KAZN: variants seen among roughly 807,000 people sequenced by gnomAD.
The protein encoded by KAZN is kazrin.
KAZN carries 40 observed loss-of-function variants against 87.4 expected under a neutral mutation model. The observed-to-expected ratio is 0.46, with a 90% CI of 0.36 to 0.60. KAZN has a LOEUF of 0.60. KAZN is among the 20% of genes least tolerant of loss of function. The pLI, the probability that KAZN is intolerant of heterozygous loss-of-function variation, is 0.00. For missense variants in KAZN, 898 were observed against 1,073.9 expected, an observed-to-expected ratio of 0.84 and a Z score of 2.29; for synonymous variants, 466 against 458.3, an observed-to-expected ratio of 1.02 and a Z score of -0.22.
intron 2 of KAZN, among the ~76,000 whole-genome samples, chr1:14,417,939 T>C (rs1215264587): frequency 8.6e-4 from 108 of 126,300 alleles, no homozygotes; most frequent in Non-Finnish European, 3.3e-4. Flanking sequence ...GAGCATGCAG[T>C]GAGCAGAAAT....
intron 1 of KAZN, among the ~76,000 whole-genome samples, chr1:13,959,903 C>T (rs978917741): frequency 3.9e-5 from 6 of 152,040 alleles, no homozygotes; most frequent in Admixed American, 1.3e-4. Context: ...CATTCATTGT[C>T]GAAGGACTAT....
chr1:14,725,654 A>C (rs1375359630), intron 1 of KAZN, among the ~76,000 whole-genome samples: 1 of 152,194 alleles, frequency 6.6e-6, no homozygotes, highest in Non-Finnish European at 1.5e-5. Flanking sequence ...TTCATTGCCC[A>C]GTGAGGTTGA....
chr1:14,084,820 G>A (rs1393524583), intron 1 of KAZN, among the ~76,000 whole-genome samples: 4 of 151,986 alleles, frequency 2.6e-5, no homozygotes, highest in Admixed American at 6.6e-5. Flanking sequence ...CATGGCACAC[G>A]TATAGATATG....
chr1:14,022,508 A>G (rs997567017), intron 1 of KAZN, among the ~76,000 whole-genome samples: 27 of 94,806 alleles, frequency 2.8e-4, no homozygotes, highest in Non-Finnish European at 5.2e-4. Context: ...AAAAAAAAAA[A>G]AAAAAAGAAA....
intron 2 of KAZN, among the ~76,000 whole-genome samples, chr1:14,975,769 C>T (rs1020971535): frequency 3.3e-5 from 5 of 152,120 alleles, no homozygotes; most frequent in Admixed American, 1.3e-4. Context: ...CAGTGGCTCA[C>T]GCCTGTAATC....
intron 2 of KAZN, among the ~76,000 whole-genome samples, chr1:14,566,353 C>T (rs750821114): frequency 4.6e-5 from 7 of 152,284 alleles, no homozygotes; most frequent in South Asian, 2.1e-4. Context: ...CAGTAAACCA[C>T]GCTGTATACA....
chr1:14,372,815 C>T (rs1660602629), intron 2 of KAZN, among the ~76,000 whole-genome samples: 1 of 152,162 alleles, frequency 6.6e-6, no homozygotes, highest in Admixed American at 6.5e-5. Flanking sequence ...CTGTGCCTAG[C>T]TGTGGTGGTG....
intron 2 of KAZN, among the ~76,000 whole-genome samples, chr1:14,360,147 C>A (rs1019520594): frequency 2.0e-5 from 3 of 152,066 alleles, no homozygotes; most frequent in Admixed American, 1.3e-4. Flanking sequence ...CCTTTTCATT[C>A]TTTTTTCTCT....
intron 1 of KAZN, among the ~76,000 whole-genome samples, chr1:13,993,363 A>T (rs577180853): frequency 6.6e-6 from 1 of 152,232 alleles, no homozygotes; most frequent in Admixed American, 6.5e-5. Context: ...AGGTTTTAGT[A>T]AGAATGGAAG....
At chr1:14,987,565 G>A (rs1411458477) in intron 2 of KAZN, among the ~76,000 whole-genome samples, 2 of 152,198 alleles carry the variant, frequency 1.3e-5, no homozygotes, top group African/African-American at 4.8e-5. Flanking sequence ...GGCCCCCGGA[G>A]CTCAGGGGAG....
chr1:14,296,560 C>G (rs1306686268), intron 2 of KAZN, among the ~76,000 whole-genome samples: 1 of 151,618 alleles, frequency 6.6e-6, no homozygotes, highest in Non-Finnish European at 1.5e-5. Flanking sequence ...GGGCTGTGAG[C>G]CTTATTCTGA....
intron 1 of KAZN, among the ~76,000 whole-genome samples, chr1:14,119,336 A>G (rs1644701219): frequency 6.6e-6 from 1 of 152,188 alleles, no homozygotes; most frequent in Admixed American, 6.5e-5. Flanking sequence ...TGGGCAGATA[A>G]GAGACTTAAG....
At chr1:13,947,739 C>A (rs561641651) in intron 1 of KAZN, among the ~76,000 whole-genome samples, 1 of 152,128 alleles carries the variant, frequency 6.6e-6, no homozygotes, top group Non-Finnish European at 1.5e-5. Context: ...TTTCTGAGTC[C>A]GTTCTCCTTG....
At chr1:14,502,139 G>GT (rs142479080) in intron 2 of KAZN, among the ~76,000 whole-genome samples, 2,536 of 148,162 alleles carry the variant, frequency 0.017, 92 homozygotes, top group African/African-American at 0.058. Flanking sequence ...TAATAAAGCT[G>GT]TTTTTTTTTT....
intron 2 of KAZN, among the ~76,000 whole-genome samples, chr1:14,217,561 GCAGT>G (rs1646985850): frequency 6.6e-6 from 1 of 151,936 alleles, no homozygotes; most frequent in Admixed American, 6.6e-5. Context: ...AATTTAGAAG[GCAGT>G]CAAAGGAGAT....
At chr1:15,003,005 T>TACACAC (rs113317563) in intron 2 of KAZN, among the ~76,000 whole-genome samples, 1,934 of 131,490 alleles carry the variant, frequency 0.015, 11 homozygotes, top group Non-Finnish European at 0.017. Flanking sequence ...AAAATAAACG[T>TACACAC]ACACACACAC....
chr1:14,657,175 T>A (rs944442001), intron 1 of KAZN, among the ~76,000 whole-genome samples: 1 of 144,668 alleles, frequency 6.9e-6, no homozygotes, highest in Non-Finnish European at 1.5e-5. Flanking sequence ...CTCCGCCTCC[T>A]GGGTTCAAGT....
intron 1 of KAZN, among the ~76,000 whole-genome samples, chr1:14,821,981 C>T (rs1429000749): frequency 2.0e-5 from 3 of 152,188 alleles, no homozygotes; most frequent in Admixed American, 6.5e-5. Flanking sequence ...TGACCGTCTC[C>T]CTGTCTGTAG....
intron 2 of KAZN, among the ~76,000 whole-genome samples, chr1:15,016,778 T>G (rs1670152359): frequency 6.6e-6 from 1 of 152,148 alleles, no homozygotes; most frequent in South Asian, 2.1e-4. Context: ...TGCCCTTCCC[T>G]CTGCCGGAAC....
Sources: gnomAD v4.1 joint callset for allele counts (sites outside exome capture counted in the v4.1 genomes callset) on GRCh38, gnomAD v4.1.1 for gene constraint, MANE v1.5 for transcripts, NCBI Gene and HGNC (gene_info 2026-07-23, HGNC 2026-07-21) for gene names.